The following GRID2 variants were observed in gnomAD, a reference collection of about 807,000 sequenced individuals.
The protein encoded by GRID2 is glutamate ionotropic receptor delta type subunit 2.
A neutral mutation model predicts 114.8 loss-of-function variants in GRID2; 33 were observed. The observed-to-expected ratio is 0.29, with a 90% CI of 0.22 to 0.38. The LOEUF (loss-of-function observed/expected upper bound fraction) is 0.38. GRID2 is among the 10% of genes least tolerant of loss of function. The pLI, the probability that GRID2 is intolerant of heterozygous loss-of-function variation, is 1.00. For missense variants in GRID2, 1,184 were observed against 1,257.7 expected, an observed-to-expected ratio of 0.94 and a Z score of 0.89; for synonymous variants, 505 against 449.9, an observed-to-expected ratio of 1.12 and a Z score of -1.55.
chr4:92,823,017 A>G (rs1009147870), intron 2 of GRID2: 2 of 152,214 alleles, frequency 1.3e-5, no homozygotes, highest in African/African-American at 4.8e-5. Context: ...GCCCTGCCAC[A>G]AAAAAGTAAG....
chr4:92,795,533 A>T (rs569991851), intron 2 of GRID2, among the ~76,000 whole-genome samples: 2 of 152,110 alleles, frequency 1.3e-5, no homozygotes, highest in East Asian at 3.9e-4. Context: ...AGGCAGGCAC[A>T]TTCAGTGTAA....
chr4:92,697,471 A>G (rs1290564221), intron 2 of GRID2, among the ~76,000 whole-genome samples: 1 of 152,212 alleles, frequency 6.6e-6, no homozygotes, highest in African/African-American at 2.4e-5. Flanking sequence ...CTGCACAGCA[A>G]ACTATGTAGT....
At chr4:93,409,770 G>A (rs775567790) in intron 9 of GRID2, among the ~76,000 whole-genome samples, 65 of 152,274 alleles carry the variant, frequency 4.3e-4, no homozygotes, top group Non-Finnish European at 6.6e-4. Context: ...CAGCACCAGA[G>A]GGCATTGGAT....
At chr4:92,363,381 T>C (rs1728705282) in intron 1 of GRID2, among the ~76,000 whole-genome samples, 1 of 152,062 alleles carries the variant, frequency 6.6e-6, no homozygotes, top group East Asian at 1.9e-4. Context: ...TCATTTTGAC[T>C]TCAGAACAAT....
intron 13 of GRID2, among the ~76,000 whole-genome samples, chr4:93,564,421 C>T (rs1735217217): frequency 6.6e-6 from 1 of 151,934 alleles, no homozygotes. Context: ...TTAGGTAAGA[C>T]ATGAAGTTAA....
intron 2 of GRID2, among the ~76,000 whole-genome samples, chr4:93,029,201 TAAAG>T (rs1296637344): frequency 2.0e-5 from 3 of 152,028 alleles, no homozygotes; most frequent in Non-Finnish European, 4.4e-5. Context: ...CAAATAGAAA[TAAAG>T]AAAAACTTTA....
intron 12 of GRID2, among the ~76,000 whole-genome samples, chr4:93,509,093 G>A (rs919329070): frequency 1.3e-5 from 2 of 152,220 alleles, no homozygotes; most frequent in Non-Finnish European, 2.9e-5. Context: ...TAAGGGCAGT[G>A]AAGTACATAG....
At chr4:93,099,727 C>G (rs913043552) in intron 3 of GRID2, among the ~76,000 whole-genome samples, 2 of 151,864 alleles carry the variant, frequency 1.3e-5, no homozygotes, top group African/African-American at 4.8e-5. Context: ...ATCTAAACTA[C>G]TTAAGCACCA....
intron 1 of GRID2, among the ~76,000 whole-genome samples, chr4:92,340,097 G>A (rs188430394): frequency 1.4e-4 from 21 of 152,132 alleles, no homozygotes; most frequent in African/African-American, 4.6e-4. Flanking sequence ...AAAAAATAAT[G>A]TATTATTTAA....
chr4:93,238,599 G>A, intron 8 of GRID2, 109 bp downstream of exon 8: 3 of 802,520 alleles, frequency 3.7e-6, no homozygotes, highest in East Asian at 3.3e-5. Flanking sequence ...ATTGTAGTGT[G>A]AAAGAGAAAG....
intron 1 of GRID2, among the ~76,000 whole-genome samples, chr4:92,351,867 A>G (rs1728084259): frequency 6.6e-6 from 1 of 151,832 alleles, no homozygotes; most frequent in Admixed American, 6.6e-5. Context: ...TAGTATTCTA[A>G]TGTGTATATA....
chr4:93,626,303 C>A lies in GRID2; in HGVS notation c.2228C>A (p.Ala743Glu), dbSNP rs1170344005. 1 of 1,601,012 alleles carries A rather than the reference C, an allele frequency of 6.2e-7. No individual in the cohort carries two copies. The highest frequency in any genetic ancestry group is 1.7e-5 in the Admixed American group (1 of 59,576). Residue 743 changes from alanine to glutamate, a missense_variant, in exon 14 of 16, where the codon GCA (alanine) becomes GAA (glutamate). By Grantham distance (107) the Ala-to-Glu change is moderately radical. Coordinates refer to ENST00000282020, the MANE Select transcript of GRID2 (RefSeq NM_001510.4). ...KYGNYAFVWD[A>E]AVLEYVAIND... ...GGAAATTATGCTTTCGTATGGGATG[C>A]AGCTGTATTGGAATATGTGGCTATC...
chr4:93,345,011 G>A (rs1456833476), intron 8 of GRID2, among the ~76,000 whole-genome samples: 1 of 151,578 alleles, frequency 6.6e-6, no homozygotes, highest in African/African-American at 2.4e-5. Flanking sequence ...GTGTGTGTGT[G>A]TGTGTGTGTG....
chr4:92,409,814 T>C (rs1579313530), intron 1 of GRID2, among the ~76,000 whole-genome samples: 1 of 152,130 alleles, frequency 6.6e-6, no homozygotes, highest in African/African-American at 2.4e-5. Context: ...AGAGTTACAA[T>C]GTACTTAGAG....
Position 93,252,414 on chromosome 4 carries a change from T to A in GRID2, c.1245+13924T>A, listed in dbSNP as rs575899159. On this transcript the variant is annotated intron_variant, in intron 8 of 15. Transcript: ENST00000282020. ...CTTATTTCTAGGTTCTCTATTCTGT[T>A]GCATTGGTCTATGTATCTGTTCTTG... 4.0e-5 allele frequency among the ~76,000 whole-genome samples: 6 copies of A among 150,920 alleles called. 1 individual carries two copies. The highest frequency in any genetic ancestry group is 3.4e-3 in the Middle Eastern group (1 of 292).
At chr4:92,863,063 A>G (rs1744639642) in intron 2 of GRID2, among the ~76,000 whole-genome samples, 1 of 152,146 alleles carries the variant, frequency 6.6e-6, no homozygotes, top group Admixed American at 6.6e-5. Context: ...CTTTGAGCTT[A>G]AAATAGTAAA....
chr4:92,404,025 T>A (rs868376252), intron 1 of GRID2, among the ~76,000 whole-genome samples: 3 of 152,214 alleles, frequency 2.0e-5, no homozygotes, highest in Middle Eastern at 3.4e-3. Flanking sequence ...ATTTATGAAA[T>A]AATCAAATAT....
chr4:93,613,107 C>T (rs1741147934), intron 13 of GRID2, among the ~76,000 whole-genome samples: 1 of 144,176 alleles, frequency 6.9e-6, no homozygotes, highest in South Asian at 2.3e-4. Flanking sequence ...ATTGCATCGG[C>T]TCCTGAGGCT....
chr4:92,499,657 A>C (rs2149121794), intron 1 of GRID2, among the ~76,000 whole-genome samples: 1 of 152,250 alleles, frequency 6.6e-6, no homozygotes, highest in South Asian at 2.1e-4. Context: ...CTATAGCCCA[A>C]GCTGGAGTGC....
Sources: allele counts gnomAD v4.1 joint callset (sites outside exome capture counted in the v4.1 genomes callset), GRCh38; gene constraint gnomAD v4.1.1; transcripts MANE v1.5; gene names NCBI Gene and HGNC (gene_info 2026-07-23, HGNC 2026-07-21).